The following PVR variants were observed in gnomAD, a reference collection of about 807,000 sequenced individuals.
PVR encodes poliovirus receptor.
In PVR, 39 loss-of-function variants were observed where a neutral mutation model predicts 43.3. The observed-to-expected ratio is 0.90, with a 90% CI of 0.70 to 1.18. PVR has a LOEUF of 1.18. PVR is among the 50% of genes most tolerant of loss of function. PVR has a pLI of 0.00. For synonymous variants in PVR, 224 were observed against 233.2 expected (o/e 0.96, Z 0.36); for missense variants, 480 against 549.7 (o/e 0.87, Z 1.27).
chr19:44,654,268 G>C (rs1345209521), intron 4 of PVR, among the ~76,000 whole-genome samples: 1 of 111,670 alleles, frequency 9.0e-6, no homozygotes, highest in Non-Finnish European at 1.6e-5. Context: ...AGGAGGGGCT[G>C]GGGGGTCTGG....
At chr19:44,653,669 T>C (rs759201369) in intron 3 of PVR, 11 of 482,128 alleles carry the variant, frequency 2.3e-5, no homozygotes, top group Admixed American at 1.8e-4. Context: ...CCAGGAAAGC[T>C]AGTGGAGAAA....
rs950786520 is a variant in PVR, at chr19:44,644,046, C to G, written c.-51C>G. On this transcript the variant is annotated 5_prime_UTR_variant, in exon 1 of 8. Transcript: ENST00000425690. The stretch of plus-strand genomic sequence containing the variant: ...CGACCGCGGCAGAGCGAGCGGGCGC[C>G]GGGAAGCGAGGAGACGCCCGCGGGA... The G allele has an allele frequency of 6.8e-7, 1 of 1,461,818 alleles. No homozygotes were observed. The highest frequency in any genetic ancestry group is 9.1e-7 in the Non-Finnish European group (1 of 1,100,648). The allele number at this position is 1,461,818 out of a possible 1,614,324, so 90.6% of individuals were successfully genotyped here.
At chr19:44,651,615 A>C (rs937596352) in intron 3 of PVR, among the ~76,000 whole-genome samples, 1 of 152,028 alleles carries the variant, frequency 6.6e-6, no homozygotes, top group African/African-American at 2.4e-5. Flanking sequence ...CAGGCTATCC[A>C]GTCTCACCCC....
chr19:44,651,480 G>A (rs925142522), intron 3 of PVR, among the ~76,000 whole-genome samples: 3 of 152,074 alleles, frequency 2.0e-5, no homozygotes, highest in African/African-American at 4.8e-5. Flanking sequence ...AACTGTCTCC[G>A]CCGGGTGCTA....
chr19:44,652,105 G>A (rs1009366888), intron 3 of PVR, among the ~76,000 whole-genome samples: 5 of 152,292 alleles, frequency 3.3e-5, no homozygotes, highest in East Asian at 1.9e-4. Flanking sequence ...TGCAATGAGC[G>A]AGATTACGCC....
intron 1 of PVR, among the ~76,000 whole-genome samples, chr19:44,645,076 TAATATATAATAA>T (rs1363351428): frequency 2.1e-5 from 2 of 93,960 alleles, no homozygotes; most frequent in Non-Finnish European, 3.8e-5. Context: ...TAGTAATATA[TAATATATAATAA>T]AATATATAAT....
intron 1 of PVR, among the ~76,000 whole-genome samples, chr19:44,644,743 T>C (rs1973030310): frequency 6.8e-6 from 1 of 146,228 alleles, no homozygotes; most frequent in Admixed American, 6.9e-5. Flanking sequence ...TTTGAGACAG[T>C]CTCACTCCAT....
Position 44,643,945 on chromosome 19 carries a change from C to T in PVR, c.-152C>T. 6.9e-6 allele frequency: 4 copies of T among 581,770 alleles called. No individual in the cohort carries two copies. Among genetic ancestry groups the T allele is most frequent in the Non-Finnish European group, 1.2e-5 (4 of 344,210 alleles). 36.0% of individuals were successfully genotyped at this position (581,770 alleles called of 1,614,324 possible). On this transcript the variant is annotated 5_prime_UTR_variant, in exon 1 of 8. Transcript: ENST00000425690. ...CTGGAGCTTGAAGAAGTGGGTATTC[C>T]CCTTCCCACCCCAGGCACTGGAGGA...
At chr19:44,653,423 G>A (rs890062069) in intron 3 of PVR, among the ~76,000 whole-genome samples, 3 of 152,098 alleles carry the variant, frequency 2.0e-5, no homozygotes, top group African/African-American at 4.8e-5. Flanking sequence ...CCTCGCCCCC[G>A]AATAAAACCC....
At chr19:44,654,467 T>C (rs1197894578) in intron 4 of PVR, among the ~76,000 whole-genome samples, 14 of 152,220 alleles carry the variant, frequency 9.2e-5, no homozygotes, top group Admixed American at 9.2e-4. Flanking sequence ...TTGAGGCGTT[T>C]AGCAGGTGGT....
In PVR at chr19:44,662,897, C is replaced by G. The variant is rs1973623597; in HGVS notation, c.*1086C>G. ...ACCCTGGTCACCAGAGGCTGCAATT[C>G]AGGCCGCAAGCAGCTGCCTGGGGGG... On this transcript the variant is annotated 3_prime_UTR_variant, in exon 8 of 8. Coordinates refer to ENST00000425690, the MANE Select transcript of PVR (RefSeq NM_006505.5). 3 of 152,200 alleles carry G rather than the reference C, an allele frequency of 2.0e-5. No individual in the cohort carries two copies. 9.4% of individuals were successfully genotyped at this position (152,200 alleles called of 1,614,324 possible).
rs1425641024 is a variant in PVR, at chr19:44,647,266, G to A, written c.123G>A (p.Leu41=). The A allele has an allele frequency of 6.4e-7, 1 of 1,558,010 alleles. No individual in the cohort carries two copies. Among genetic ancestry groups the A allele is most frequent in the Admixed American group, 1.9e-5 (1 of 51,672 alleles). Residue 41 remains leucine, a synonymous_variant, in exon 2 of 8, where the codon TTG becomes TTA. Transcript: ENST00000425690. Reference sequence around the variant, plus strand: ...CGCCCACCCAGGTGCCCGGCTTCTTGGGCGACTCCGTGACGCTGCCCTGCT... The same window carrying A: ...CGCCCACCCAGGTGCCCGGCTTCTTAGGCGACTCCGTGACGCTGCCCTGCT... ...VQAPTQVPGF[L]GDSVTLPCYL... is the part of the protein sequence containing the mutation.
At chr19:44,658,124 A>T (rs1204274426) in intron 5 of PVR, among the ~76,000 whole-genome samples, 1 of 152,182 alleles carries the variant, frequency 6.6e-6, no homozygotes, top group Non-Finnish European at 1.5e-5. Context: ...ACAGGTTGGG[A>T]TAGATGTGGA....
intron 1 of PVR, among the ~76,000 whole-genome samples, chr19:44,646,376 C>T (rs907686496): frequency 2.0e-5 from 3 of 152,074 alleles, no homozygotes; most frequent in African/African-American, 4.8e-5. Context: ...GATTTCTCCC[C>T]GTTTTCTACA....
Position 44,644,149 on chromosome 19 carries a change from T to C in PVR, c.53T>C (p.Val18Ala). Reference sequence around the variant, plus strand: ...CCGCTGCTGCTGGTGGCGCTACTGGTGCTGTCCTGGCCACCCCCAGGAACC... The same window carrying C: ...CCGCTGCTGCTGGTGGCGCTACTGGCGCTGTCCTGGCCACCCCCAGGAACC... Reference protein sequence around the residue: ...AWPLLLVALLVLSWPPPGTGD... With the variant: ...AWPLLLVALLALSWPPPGTGD... The change falls in exon 1 of 8, where the codon GTG (valine) becomes GCG (alanine). Residue 18 changes from valine (V) to alanine (A), a missense_variant. Transcript: ENST00000425690. 1 of 1,518,196 alleles carries C rather than the reference T, an allele frequency of 6.6e-7. No individual in the cohort carries two copies. The allele number at this position is 1,518,196 out of a possible 1,614,324, so 94.0% of individuals were successfully genotyped here.
Position 44,661,316 on chromosome 19 carries a change from C to T in PVR, c.1175C>T (p.Ala392Val), listed in dbSNP as rs1315666209. The stretch of plus-strand genomic sequence containing the variant: ...GGTACAGAGCATGCCAGCGCCTCAG[C>T]TAATGGGGTAAGTGCAGTGTTGGAG... ...PSSTEHASAS[A>V]NGHVSYSAVS... is the part of the protein sequence containing the mutation. The change falls in exon 7 of 8, where the codon GCT (alanine) becomes GTT (valine). Residue 392 changes from alanine (A) to valine (V), a missense_variant. Transcript: ENST00000425690. 9.3e-6 allele frequency: 15 copies of T among 1,613,882 alleles called. No homozygotes were observed. The highest frequency in any genetic ancestry group is 1.2e-5 in the Non-Finnish European group (14 of 1,179,880).
At position 44,647,210 on chromosome 19, in the gene PVR, CGGTTCTCCGCA is replaced by C; in HGVS notation, c.80-10_80del. 1 of 1,517,346 alleles carries C rather than the reference CGGTTCTCCGCA, an allele frequency of 6.6e-7. No individual in the cohort carries two copies. The highest frequency in any genetic ancestry group is 1.3e-5 in the South Asian group (1 of 79,758). 94.0% of individuals were successfully genotyped at this position (1,517,346 alleles called of 1,614,324 possible). ...CGCCCCGGGTCTGACACCTTCTCTT[CGGTTCTCCGCA>C]GGGGACGTCGTCGTGCAGGCGCCCA... On this transcript the variant is annotated splice_acceptor_variant and splice_polypyrimidine_tract_variant and intron_variant, in intron 1 of 7. Coordinates refer to ENST00000425690, the MANE Select transcript of PVR (RefSeq NM_006505.5). LOFTEE classifies it high-confidence loss of function.
intron 3 of PVR, 149 bp from the exon 4 acceptor site, chr19:44,653,751 C>G (rs771154548): frequency 2.5e-4 from 157 of 624,452 alleles, no homozygotes; most frequent in Admixed American, 4.4e-4. Context: ...TCTGTGGCAC[C>G]CCATCTACCT....
At position 44,649,896 on chromosome 19, in the gene PVR, G is replaced by A. The variant is rs554504628; in HGVS notation, c.515G>A (p.Arg172His). Residue 172 changes from arginine to histidine, a missense_variant, in exon 3 of 8, where the codon CGC becomes CAC. Coordinates refer to ENST00000425690, the MANE Select transcript of PVR (RefSeq NM_006505.5). ...PMARCVSTGG[R>H]PPAQITWHSD... Reference sequence around the variant, plus strand: ...GCCCGCTGCGTCTCCACAGGGGGTCGCCCGCCAGCCCAAATCACCTGGCAC... The same window carrying A: ...GCCCGCTGCGTCTCCACAGGGGGTCACCCGCCAGCCCAAATCACCTGGCAC... The A allele has an allele frequency of 3.8e-5, 61 of 1,613,518 alleles. No homozygotes were observed. Among genetic ancestry groups the A allele is most frequent in the Admixed American group, 8.3e-5 (5 of 59,936 alleles).
Sources: gnomAD v4.1 joint callset for allele counts (sites outside exome capture counted in the v4.1 genomes callset) on GRCh38, gnomAD v4.1.1 for gene constraint, MANE v1.5 for transcripts, NCBI Gene and HGNC (gene_info 2026-07-23, HGNC 2026-07-21) for gene names.